PARD3: variants seen among roughly 807,000 people sequenced by gnomAD.
PARD3 encodes par-3 family cell polarity regulator.
PARD3 carries 75 observed loss-of-function variants against 155.4 expected under a neutral mutation model. The ratio of observed to expected loss-of-function variants is 0.48; its 90% CI spans 0.40 to 0.58. The LOEUF (loss-of-function observed/expected upper bound fraction) is 0.58, where lower values mean the gene tolerates loss of function less well. PARD3 is among the 20% of genes least tolerant of loss of function. The pLI is 0.00. For missense variants in PARD3, 1,642 were observed against 1,721.7 expected (o/e 0.95, Z 0.82); for synonymous variants, 576 against 610.5 (o/e 0.94, Z 0.83).
At chr10:34,139,303 G>T (rs1273815321) in intron 22 of PARD3, among the ~76,000 whole-genome samples, 1 of 152,160 alleles carries the variant, frequency 6.6e-6, no homozygotes. Context: ...CTTCACAGGA[G>T]GTTCTTGCAC....
chr10:34,259,847 C>T (rs566303649), intron 22 of PARD3, among the ~76,000 whole-genome samples: 3 of 152,102 alleles, frequency 2.0e-5, no homozygotes, highest in Non-Finnish European at 2.9e-5. Context: ...TCTCATTTAT[C>T]GCCCAGGTTG....
At position 34,113,498 on chromosome 10, in the gene PARD3, CACACACACACACACACACACACACATAG is replaced by C. The variant is rs373635371; in HGVS notation, c.3669-1964_3669-1937del. ...GGGTAAAATGCACATAAGACAGAAA[CACACACACACACACACACACACACATAG>C]ACACACACACACATGCGCACACACA... On this transcript the variant is annotated intron_variant, in intron 24 of 24. Coordinates refer to ENST00000374788, the MANE Select transcript of PARD3 (RefSeq NM_001184785.2). Among the ~76,000 whole-genome samples the C allele has an allele frequency of 7.4e-3, 636 of 85,918 alleles. 4 individuals are homozygous for C. Among genetic ancestry groups the C allele is most frequent in the African/African-American group, 0.029 (602 of 20,486 alleles). The allele number at this position is 85,918 out of a possible 152,430, so 56.4% of individuals were successfully genotyped here.
intron 2 of PARD3, among the ~76,000 whole-genome samples, chr10:34,620,059 T>C (rs1216836264): frequency 6.6e-6 from 1 of 152,158 alleles, no homozygotes; most frequent in Non-Finnish European, 1.5e-5. Flanking sequence ...GACCCCACTC[T>C]CATGGAGTTA....
intron 1 of PARD3, among the ~76,000 whole-genome samples, chr10:34,802,564 G>C (rs1033334391): frequency 5.9e-5 from 9 of 152,288 alleles, no homozygotes; most frequent in African/African-American, 2.2e-4. Context: ...ATGTGTCAAA[G>C]CTTTGGTCTG....
chr10:34,745,456 A>AAGAGAG (rs879828433), intron 1 of PARD3, among the ~76,000 whole-genome samples: 4,346 of 140,086 alleles, frequency 0.031, 214 homozygotes, highest in African/African-American at 0.11. Context: ...AAGAGAGAGA[A>AAGAGAG]AGAGAGAGGG....
chr10:34,170,515 T>C (rs953748058), intron 22 of PARD3, among the ~76,000 whole-genome samples: 1 of 151,990 alleles, frequency 6.6e-6, no homozygotes. Flanking sequence ...ATGTAAACAG[T>C]TAATTATATA....
intron 1 of PARD3, among the ~76,000 whole-genome samples, chr10:34,729,773 T>C (rs1212715628): frequency 3.9e-5 from 6 of 152,186 alleles, no homozygotes; most frequent in African/African-American, 1.2e-4. Context: ...AGCAGTCTCC[T>C]GGAGGAGCCG....
At chr10:34,509,342 G>A (rs1240487934) in intron 3 of PARD3, among the ~76,000 whole-genome samples, 1 of 152,100 alleles carries the variant, frequency 6.6e-6, no homozygotes, top group African/African-American at 2.4e-5. Flanking sequence ...CTACGAGCCT[G>A]AAAACAAGGG....
At chr10:34,720,938 C>T (rs2094597200) in intron 1 of PARD3, among the ~76,000 whole-genome samples, 2 of 152,156 alleles carry the variant, frequency 1.3e-5, no homozygotes, top group African/African-American at 4.8e-5. Flanking sequence ...AATAATTTGC[C>T]TTTAATGATT....
chr10:34,758,622 A>G (rs913773718), intron 1 of PARD3, among the ~76,000 whole-genome samples: 1 of 152,232 alleles, frequency 6.6e-6, no homozygotes, highest in East Asian at 1.9e-4. Flanking sequence ...GCACTCAAGC[A>G]CTAAGGCCCT....
intron 22 of PARD3, among the ~76,000 whole-genome samples, chr10:34,155,604 G>T (rs893452168): frequency 7.3e-5 from 11 of 151,600 alleles, no homozygotes; most frequent in Non-Finnish European, 1.3e-4. Flanking sequence ...GAACTTTTGG[G>T]CATTTTTGCT....
chr10:34,771,775 T>A (rs764086700), intron 1 of PARD3, among the ~76,000 whole-genome samples: 1 of 152,296 alleles, frequency 6.6e-6, no homozygotes, highest in East Asian at 1.9e-4. Context: ...GAAATGAACA[T>A]CCTGTGCTTT....
At position 34,485,274 on chromosome 10, in the gene PARD3, G is replaced by A. The variant is rs2079375200; in HGVS notation, c.404-15011C>T. Among the ~76,000 whole-genome samples the A allele has an allele frequency of 2.0e-5, 3 of 152,138 alleles. No individual in the cohort carries two copies. In the South Asian group the frequency reaches 6.2e-4, roughly 32 times the overall value. On this transcript the variant is annotated intron_variant, in intron 3 of 24. Transcript: ENST00000374788. The stretch of plus-strand genomic sequence containing the variant: ...AATCCCTTGAACCTGGGAGGCAGAG[G>A]CGGCAGTGAGCCAAGATCATGCCAC...
At chr10:34,647,402 C>T (rs1020748177) in intron 2 of PARD3, among the ~76,000 whole-genome samples, 7 of 152,134 alleles carry the variant, frequency 4.6e-5, no homozygotes, top group East Asian at 1.9e-4. Context: ...GCACGGGTTT[C>T]GCAAAGCCAG....
chr10:34,487,857 A>T (rs1019414659), intron 3 of PARD3, among the ~76,000 whole-genome samples: 1 of 152,216 alleles, frequency 6.6e-6, no homozygotes, highest in Non-Finnish European at 1.5e-5. Context: ...TCTAACAAGT[A>T]ATTTGTCTTT....
chr10:34,622,381 G>C (rs1484270317), intron 2 of PARD3, among the ~76,000 whole-genome samples: 1 of 152,088 alleles, frequency 6.6e-6, no homozygotes, highest in Non-Finnish European at 1.5e-5. Flanking sequence ...AACATACAAA[G>C]GGACATCAGA....
chr10:34,732,658 A>G (rs2094840233), intron 1 of PARD3, among the ~76,000 whole-genome samples: 1 of 152,212 alleles, frequency 6.6e-6, no homozygotes. Context: ...TGATCATACC[A>G]CTGCACTCCA....
chr10:34,131,588 A>G lies in PARD3; in HGVS notation c.3420-5T>C. The G allele has an allele frequency of 6.2e-7, 1 of 1,613,552 alleles. No homozygotes were observed. The highest frequency in any genetic ancestry group is 8.5e-7 in the Non-Finnish European group (1 of 1,179,556). On this transcript the variant is annotated splice_polypyrimidine_tract_variant and splice_region_variant and intron_variant, in intron 22 of 24. Transcript: ENST00000374788. Reference sequence around the variant, plus strand: ...TTGCTAGGAGTTGATCTGTTACTGAAAGAGAGATGAGGCAGCAGTGAATAC... The same window carrying G: ...TTGCTAGGAGTTGATCTGTTACTGAGAGAGAGATGAGGCAGCAGTGAATAC...
chr10:34,140,836 C>T (rs1045062206), intron 22 of PARD3, among the ~76,000 whole-genome samples: 1 of 152,128 alleles, frequency 6.6e-6, no homozygotes, highest in East Asian at 1.9e-4. Flanking sequence ...GTGGTGCCCA[C>T]ATTAATTATG....
Sources: gnomAD v4.1 joint callset for allele counts (sites outside exome capture counted in the v4.1 genomes callset) on GRCh38, gnomAD v4.1.1 for gene constraint, MANE v1.5 for transcripts, NCBI Gene and HGNC (gene_info 2026-07-23, HGNC 2026-07-21) for gene names.